Variants in MAP3K12 observed in about 807,000 individuals in gnomAD.
MAP3K12 encodes MAPK-upstream kinase.
MAP3K12 carries 14 observed loss-of-function variants against 87.5 expected under a neutral mutation model. That is an observed-to-expected ratio of 0.16 (90% CI 0.11 to 0.25). The LOEUF (loss-of-function observed/expected upper bound fraction) is 0.25, where lower values mean the gene tolerates loss of function less well. MAP3K12 is among the 10% of genes least tolerant of loss of function. MAP3K12 has a pLI of 1.00. For synonymous variants in MAP3K12, 469 were observed against 452.5 expected (o/e 1.04, Z -0.46); for missense variants, 802 against 1,140.4 (o/e 0.70, Z 4.27).
chr12:53,488,234 C>A (rs1943291611), intron 1 of MAP3K12, among the ~76,000 whole-genome samples: 1 of 152,234 alleles, frequency 6.6e-6, no homozygotes, highest in Admixed American at 6.5e-5. Flanking sequence ...GCCCTCCCTT[C>A]AGTCCAGCGG....
intron 1 of MAP3K12, among the ~76,000 whole-genome samples, chr12:53,497,329 C>T (rs1943564593): frequency 6.6e-6 from 1 of 152,168 alleles, no homozygotes; most frequent in Admixed American, 6.5e-5. Flanking sequence ...CTTGTTCTCT[C>T]TCTCAAAGCA....
At chr12:53,494,345 G>C (rs1303656863) in intron 1 of MAP3K12, among the ~76,000 whole-genome samples, 1 of 152,256 alleles carries the variant, frequency 6.6e-6, no homozygotes, top group Non-Finnish European at 1.5e-5. Context: ...TGAGGGGACA[G>C]AATGATCTCT....
chr12:53,486,267 A>G lies in MAP3K12; in HGVS notation c.630-20T>C, dbSNP rs1943224517. Reference sequence around the variant, plus strand: ...ACACCCCTGGGAGCCAAACAATGGTATGAAGGCCTCAGCTGGCTCAGCATT... The same window carrying G: ...ACACCCCTGGGAGCCAAACAATGGTGTGAAGGCCTCAGCTGGCTCAGCATT... On this transcript the variant is annotated intron_variant, in intron 3 of 13. Coordinates refer to ENST00000547488, the MANE Select transcript of MAP3K12 (RefSeq NM_001193511.2). The surrounding 1 kb of genome is among the most constrained non-coding windows in gnomAD (Gnocchi z 4.9). 1 of 1,584,920 alleles carries G rather than the reference A, an allele frequency of 6.3e-7. No individual in the cohort carries two copies.
At chr12:53,496,582 T>C (rs962844934) in intron 1 of MAP3K12, among the ~76,000 whole-genome samples, 2 of 152,196 alleles carry the variant, frequency 1.3e-5, no homozygotes, top group African/African-American at 2.4e-5. Context: ...TTAACAAATA[T>C]AGTTCCTCAA....
chr12:53,482,423 A>G (rs892139486), intron 11 of MAP3K12, 54 bp from the exon 12 acceptor site: 14 of 1,609,134 alleles, frequency 8.7e-6, no homozygotes, highest in Admixed American at 1.7e-5. Context: ...AGAGGTCACT[A>G]AGAATCCAGG....
Position 53,491,295 on chromosome 12 carries a change from A to AAAAAAAAAG in MAP3K12, c.-37-3868_-37-3867insCTTTTTTTT, listed in dbSNP as rs1180226298. Among the ~76,000 whole-genome samples the AAAAAAAAAG allele has an allele frequency of 5.1e-5, 6 of 117,920 alleles. No homozygotes were observed. The East Asian group carries it at 1.3e-3, about 25-fold the overall frequency. The allele number at this position is 117,920 out of a possible 152,430, so 77.4% of individuals were successfully genotyped here. A position where few individuals can be genotyped will look rare whatever the true frequency, so the allele number is the denominator to read the frequency against. On this transcript the variant is annotated intron_variant, in intron 1 of 13. Transcript: ENST00000547488. ...AGAGTGAGACTCTGTCTCAAAAAAA[A>AAAAAAAAAG]AAAAAAAAAAGAAAAGAAAAGAAAA...
Position 53,482,696 on chromosome 12 carries a change from C to T in MAP3K12, c.2107G>A (p.Gly703Arg), listed in dbSNP as rs1280526221. 14 of 1,613,918 alleles carry T rather than the reference C, an allele frequency of 8.7e-6. No individual in the cohort carries two copies. The highest frequency in any genetic ancestry group is 5.9e-6 in the Non-Finnish European group (7 of 1,180,042). ...GAKGEPPPPVGPGEGVGLLGT... is the reference protein window; with the variant it reads ...GAKGEPPPPVRPGEGVGLLGT... ...AGAAGCCCCACACCTTCACCAGGCC[C>T]TACTGGAGGAGGTGGTTCCCCTTTG... The change falls in exon 11 of 14, where the codon GGG becomes AGG. Residue 703 changes from glycine (G) to arginine (R), a missense_variant. Physicochemically the swap from Gly to Arg is moderately radical, Grantham distance 125 (BLOSUM62 -2). Around this residue, in one of 5 missense-constraint regions of MAP3K12, gnomAD observed 490 missense variants for 496.6 expected, o/e 0.99. Transcript: ENST00000547488.
Position 53,480,069 on chromosome 12 carries a change from C to T in MAP3K12, c.*1113G>A, listed in dbSNP as rs1423129122. 1 of 151,962 alleles carries T rather than the reference C, an allele frequency of 6.6e-6. No individual in the cohort carries two copies. Among genetic ancestry groups the T allele is most frequent in the African/African-American group, 2.4e-5 (1 of 41,324 alleles). 9.4% of individuals were successfully genotyped at this position (151,962 alleles called of 1,614,324 possible). On this transcript the variant is annotated 3_prime_UTR_variant, in exon 14 of 14. Coordinates refer to ENST00000547488, the MANE Select transcript of MAP3K12 (RefSeq NM_001193511.2). Reference sequence around the variant, plus strand: ...GAGGATTAGACTTTCCGAGGACTTACCTGTCCTAGGGGAGTAGGCAAGCAC... The same window carrying T: ...GAGGATTAGACTTTCCGAGGACTTATCTGTCCTAGGGGAGTAGGCAAGCAC...
chr12:53,492,162 C>T (rs1281220890), intron 1 of MAP3K12, among the ~76,000 whole-genome samples: 4 of 152,156 alleles, frequency 2.6e-5, no homozygotes, highest in Admixed American at 6.5e-5. Context: ...ATCCAGGTGT[C>T]ACTTTATCCT....
intron 1 of MAP3K12, among the ~76,000 whole-genome samples, chr12:53,489,173 A>C (rs751377048): frequency 1.3e-5 from 2 of 151,508 alleles, no homozygotes; most frequent in African/African-American, 2.4e-5. Flanking sequence ...AACAAACAAA[A>C]AACAACAAAG....
In MAP3K12 at chr12:53,487,353, G is replaced by C. The variant is rs1404023312; in HGVS notation, c.39C>G (p.Ser13=). ...CLHETRTPSP[S]FGGFVSTLSE... ...TTAGGGTAGACACAAAGCCCCCAAA[G>C]GAAGGAGAGGGTGTTCGGGTCTCAT... The change falls in exon 2 of 14, where the codon TCC becomes TCG. Residue 13 remains serine, a synonymous_variant. Transcript: ENST00000547488. 6.2e-7 allele frequency: 1 copy of C among 1,613,792 alleles called. No individual in the cohort carries two copies. Among genetic ancestry groups the C allele is most frequent in the Non-Finnish European group, 8.5e-7 (1 of 1,179,800 alleles).
intron 1 of MAP3K12, 57 bp downstream of exon 1, chr12:53,499,370 C>T (rs1565895022): frequency 6.5e-6 from 1 of 152,810 alleles, no homozygotes; most frequent in Non-Finnish European, 1.5e-5. Flanking sequence ...CGCCCGGATC[C>T]CAGGACCCAG....
In MAP3K12 at chr12:53,480,784, AGAGTAAACG is replaced by A. The variant is rs1942999453; in HGVS notation, c.*389_*397del. 1 of 152,652 alleles carries A rather than the reference AGAGTAAACG, an allele frequency of 6.6e-6. No homozygotes were observed. Among genetic ancestry groups the A allele is most frequent in the Non-Finnish European group, 1.5e-5 (1 of 68,058 alleles). The allele number at this position is 152,652 out of a possible 1,614,324, so 9.5% of individuals were successfully genotyped here. ...CCTCCCAAGTGCAAAATGTGTAAAC[AGAGTAAACG>A]GAACAGAAAAGTGCAGTCTAAGTGG... is the stretch of plus-strand genomic sequence containing the variant. On this transcript the variant is annotated 3_prime_UTR_variant, in exon 14 of 14. Transcript: ENST00000547488.
chr12:53,499,121 G>C (rs983619719), intron 1 of MAP3K12, among the ~76,000 whole-genome samples: 1 of 151,398 alleles, frequency 6.6e-6, no homozygotes. Flanking sequence ...ATGTTCTCTT[G>C]CCCTCTGTCC....
chr12:53,484,886 T>TA, intron 6 of MAP3K12, 170 bp downstream of exon 6: 1 of 749,566 alleles, frequency 1.3e-6, no homozygotes. Context: ...TCAGAGTAGA[T>TA]ACCAATTACC....
In MAP3K12 at chr12:53,487,256, G is replaced by C. The variant is rs1374671683; in HGVS notation, c.136C>G (p.Gln46Glu). The change falls in exon 2 of 14, where the codon CAG becomes GAG. Residue 46 changes from glutamine to glutamate, a missense_variant. This residue lies in a region of MAP3K12 where 135 missense variants were observed against 151.6 expected (regional missense o/e 0.89). Coordinates refer to ENST00000547488, the MANE Select transcript of MAP3K12 (RefSeq NM_001193511.2). ...CTPEKDLTPT[Q>E]CVLRDVVPLG... ...GGTACCACATCTCGAAGTACACACT[G>C]GGTAGGCGTCAGGTCCTTCTCGGGA... 6.2e-7 allele frequency: 1 copy of C among 1,613,972 alleles called. No individual in the cohort carries two copies. The highest frequency in any genetic ancestry group is 1.3e-5 in the African/African-American group (1 of 74,896).
intron 13 of MAP3K12, 36 bp from the exon 14 acceptor site, chr12:53,481,316 G>T: frequency 7.8e-7 from 1 of 1,277,268 alleles, no homozygotes; most frequent in Non-Finnish European, 1.1e-6. Flanking sequence ...GAGATTCCTT[G>T]GGGTTCTTTG....
chr12:53,482,456 G>C, intron 11 of MAP3K12, 87 bp from the exon 12 acceptor site: 2 of 1,605,786 alleles, frequency 1.2e-6, no homozygotes, highest in Non-Finnish European at 1.7e-6. Context: ...AGTTACGAAG[G>C]GTGAAGTAGG....
At chr12:53,485,000 A>G (rs1592711309) in intron 6 of MAP3K12, 56 bp downstream of exon 6, 1 of 1,605,620 alleles carries the variant, frequency 6.2e-7, no homozygotes, top group East Asian at 2.2e-5. Flanking sequence ...CCAGCCCAGT[A>G]CTACCGTGCT....
Sources: gnomAD v4.1 joint callset for allele counts (sites outside exome capture counted in the v4.1 genomes callset) on GRCh38, gnomAD v4.1.1 for gene constraint, gnomAD v4.1.1 regional missense constraint, Gnocchi (gnomAD v3.1) non-coding constraint, MANE v1.5 for transcripts, NCBI Gene and HGNC (gene_info 2026-07-23, HGNC 2026-07-21) for gene names.